KCNT2: variants seen among roughly 807,000 people sequenced by gnomAD.
KCNT2 encodes the protein potassium channel subfamily T member 2.
In KCNT2, 67 loss-of-function variants were observed where a neutral mutation model predicts 153.8. The ratio of observed to expected loss-of-function variants is 0.44; its 90% CI spans 0.36 to 0.53. KCNT2 has a LOEUF of 0.53. Ranked by LOEUF, KCNT2 falls within the 20% of genes least tolerant of loss-of-function variation. The pLI, the probability that KCNT2 is intolerant of heterozygous loss-of-function variation, is 0.00. For synonymous variants in KCNT2, 500 were observed against 458.8 expected (o/e 1.09, Z -1.15); for missense variants, 975 against 1,354.8 (o/e 0.72, Z 4.40).
intron 1 of KCNT2, among the ~76,000 whole-genome samples, chr1:196,519,912 T>A (rs940882721): frequency 2.6e-5 from 4 of 152,050 alleles, no homozygotes; most frequent in African/African-American, 9.7e-5. Flanking sequence ...TTCCAAAAAA[T>A]TGAAGAGAAG....
At chr1:196,331,063 G>A (rs1453950064) in intron 18 of KCNT2, 93 bp downstream of exon 18, 2 of 739,746 alleles carry the variant, frequency 2.7e-6, no homozygotes, top group African/African-American at 1.8e-5. Context: ...TAAACATATT[G>A]TAATCAAAAT....
chr1:196,598,858 C>G (rs1027416166), intron 1 of KCNT2, among the ~76,000 whole-genome samples: 13 of 152,176 alleles, frequency 8.5e-5, no homozygotes, highest in South Asian at 4.1e-4. Flanking sequence ...ATGTTTGACA[C>G]ATGCTAAGTA....
At chr1:196,474,967 C>T (rs909399761) in intron 5 of KCNT2, among the ~76,000 whole-genome samples, 5 of 152,106 alleles carry the variant, frequency 3.3e-5, no homozygotes, top group South Asian at 2.1e-4. Context: ...TAGGTAATTT[C>T]GCTTTAAGTT....
At chr1:196,384,640 T>C (rs1482443643) in intron 13 of KCNT2, among the ~76,000 whole-genome samples, 2 of 146,796 alleles carry the variant, frequency 1.4e-5, no homozygotes, top group African/African-American at 5.1e-5. Flanking sequence ...GAGGCGAAGG[T>C]TGCAGTGAGC....
At chr1:196,246,400 G>A (rs1233454572) in intron 26 of KCNT2, among the ~76,000 whole-genome samples, 1 of 152,088 alleles carries the variant, frequency 6.6e-6, no homozygotes, top group African/African-American at 2.4e-5. Flanking sequence ...TGAAAGAAAA[G>A]GATGTTAAAA....
intron 1 of KCNT2, among the ~76,000 whole-genome samples, chr1:196,553,457 A>G (rs1368823946): frequency 6.6e-6 from 1 of 151,172 alleles, no homozygotes; most frequent in Non-Finnish European, 1.5e-5. Flanking sequence ...ACCATAGAAC[A>G]AATGAACATA....
intron 8 of KCNT2, among the ~76,000 whole-genome samples, chr1:196,439,222 A>T (rs1243953665): frequency 6.6e-6 from 1 of 151,986 alleles, no homozygotes; most frequent in Non-Finnish European, 1.5e-5. Flanking sequence ...GCCGCAGAAT[A>T]AAAATCCTTT....
intron 22 of KCNT2, among the ~76,000 whole-genome samples, chr1:196,304,422 T>C (rs1661445343): frequency 6.6e-6 from 1 of 152,148 alleles, no homozygotes; most frequent in Non-Finnish European, 1.5e-5. Flanking sequence ...GCCATGATCA[T>C]AGCTCACTGC....
At chr1:196,563,784 T>C (rs918976043) in intron 1 of KCNT2, among the ~76,000 whole-genome samples, 18 of 151,748 alleles carry the variant, frequency 1.2e-4, no homozygotes, top group Non-Finnish European at 2.1e-4. Context: ...CCTCAATACA[T>C]ACAGAAAAAA....
intron 27 of KCNT2, 97 bp downstream of exon 27, chr1:196,235,889 G>T (rs1361244818): frequency 1.7e-5 from 12 of 704,676 alleles, no homozygotes; most frequent in Non-Finnish European, 2.2e-5. Flanking sequence ...GCACTTATAA[G>T]AAAAATAAGA....
intron 18 of KCNT2, among the ~76,000 whole-genome samples, chr1:196,327,856 C>T (rs189277117): frequency 2.8e-4 from 43 of 151,714 alleles, no homozygotes; most frequent in Admixed American, 1.6e-3. Flanking sequence ...TTTGTAGATA[C>T]GGGGTCCTGG....
At chr1:196,374,506 T>C (rs1301622870) in intron 13 of KCNT2, among the ~76,000 whole-genome samples, 1 of 151,788 alleles carries the variant, frequency 6.6e-6, no homozygotes, top group Non-Finnish European at 1.5e-5. Context: ...AATACAAAAA[T>C]ATCAAGTTTC....
At chr1:196,228,692 T>G (rs1653685173) in intron 27 of KCNT2, among the ~76,000 whole-genome samples, 1 of 152,144 alleles carries the variant, frequency 6.6e-6, no homozygotes, top group Non-Finnish European at 1.5e-5. Flanking sequence ...AGTATGCTGT[T>G]GACTTATTAT....
intron 13 of KCNT2, among the ~76,000 whole-genome samples, chr1:196,397,281 T>G (rs749382195): frequency 2.0e-5 from 3 of 151,518 alleles, no homozygotes; most frequent in Non-Finnish European, 4.4e-5. Flanking sequence ...AAATATTTCT[T>G]TTCTTAAATA....
At chr1:196,266,216 G>A (rs911119453) in intron 25 of KCNT2, among the ~76,000 whole-genome samples, 5 of 152,096 alleles carry the variant, frequency 3.3e-5, no homozygotes, top group Admixed American at 3.3e-4. Context: ...TATGTTTCCT[G>A]AGACGCACCC....
chr1:196,274,389 T>A (rs1441307043), intron 25 of KCNT2, among the ~76,000 whole-genome samples: 1 of 151,696 alleles, frequency 6.6e-6, no homozygotes. Context: ...AAGAAATGCA[T>A]AATAAACATT....
At chr1:196,370,094 A>G (rs1668391499) in intron 14 of KCNT2, among the ~76,000 whole-genome samples, 2 of 152,220 alleles carry the variant, frequency 1.3e-5, no homozygotes, top group African/African-American at 4.8e-5. Context: ...GGATGTGGAG[A>G]AATAGGAACA....
chr1:196,462,903 T>C (rs530467155), intron 8 of KCNT2, among the ~76,000 whole-genome samples: 6 of 151,792 alleles, frequency 4.0e-5, no homozygotes, highest in Admixed American at 2.0e-4. Context: ...ACTACCCAGC[T>C]AGACAATGTT....
intron 8 of KCNT2, among the ~76,000 whole-genome samples, chr1:196,449,574 A>G (rs1675974690): frequency 6.6e-6 from 1 of 151,730 alleles, no homozygotes; most frequent in South Asian, 2.1e-4. Context: ...ACATTGCTAA[A>G]ATAAGTATCT....
Sources: allele counts gnomAD v4.1 joint callset (sites outside exome capture counted in the v4.1 genomes callset), GRCh38; gene constraint gnomAD v4.1.1; transcripts MANE v1.5; gene names NCBI Gene and HGNC (gene_info 2026-07-23, HGNC 2026-07-21).